ATP13A4: variants seen among roughly 807,000 people sequenced by gnomAD.
The protein encoded by ATP13A4 is probable cation-transporting ATPase 13A4.
ATP13A4 carries 114 observed loss-of-function variants against 142.5 expected under a neutral mutation model. The observed-to-expected ratio is 0.80, with a 90% CI of 0.69 to 0.93. ATP13A4 has a LOEUF of 0.93. Among genes scored for constraint, ATP13A4 ranks in the 40% least tolerant of loss-of-function variants. The pLI, the probability that ATP13A4 is intolerant of heterozygous loss-of-function variation, is 0.00. For missense variants in ATP13A4, 1,392 were observed against 1,454.0 expected (o/e 0.96, Z 0.69); for synonymous variants, 488 against 514.8 (o/e 0.95, Z 0.70).
intron 2 of ATP13A4, among the ~76,000 whole-genome samples, chr3:193,504,744 T>C (rs1720767857): frequency 6.6e-6 from 1 of 152,106 alleles, no homozygotes; most frequent in East Asian, 1.9e-4. Context: ...GGTAAGAAAA[T>C]GTATAATTTG....
Position 193,438,467 on chromosome 3 carries a change from C to G in ATP13A4, c.2672+8G>C. The G allele has an allele frequency of 6.3e-7, 1 of 1,590,944 alleles. No individual in the cohort carries two copies. The highest frequency in any genetic ancestry group is 8.6e-7 in the Non-Finnish European group (1 of 1,158,936). ...GAGAAAACAATGTTTGAGGAAGTGCCTACTTACTTGATAAGGTGAGGTACG... is the reference window on the plus strand; with the variant it reads ...GAGAAAACAATGTTTGAGGAAGTGCGTACTTACTTGATAAGGTGAGGTACG... On this transcript the variant is annotated splice_region_variant and intron_variant, in intron 23 of 29. Coordinates refer to ENST00000342695, the MANE Select transcript of ATP13A4 (RefSeq NM_032279.4).
chr3:193,432,868 T>C (rs1248590352), intron 25 of ATP13A4, among the ~76,000 whole-genome samples: 2 of 152,100 alleles, frequency 1.3e-5, no homozygotes, highest in Non-Finnish European at 2.9e-5. Flanking sequence ...AGTGAAAATA[T>C]TCTGTGTGAT....
intron 2 of ATP13A4, among the ~76,000 whole-genome samples, chr3:193,512,882 G>A (rs951794): frequency 0.12 from 18,268 of 152,132 alleles, 1,357 homozygotes; most frequent in Non-Finnish European, 0.16. Flanking sequence ...GTGGGGTGCC[G>A]GGCACTTTTC....
At chr3:193,501,603 A>C (rs1295044325) in intron 3 of ATP13A4, among the ~76,000 whole-genome samples, 4 of 151,894 alleles carry the variant, frequency 2.6e-5, no homozygotes, top group Non-Finnish European at 5.9e-5. Flanking sequence ...AAAAAAAAAA[A>C]AGACAACTGG....
chr3:193,514,841 G>A lies in ATP13A4; in HGVS notation c.91C>T (p.Arg31Trp), dbSNP rs539397595. ...EIFGYRTQGCRKSLCLAGSIF... is the reference protein window; with the variant it reads ...EIFGYRTQGCWKSLCLAGSIF... Reference sequence around the variant, plus strand: ...GATCCGGCAAGGCAGAGACTTTTCCGGCAGCCTTGAGTCCGATAGCCAAAT... The same window carrying A: ...GATCCGGCAAGGCAGAGACTTTTCCAGCAGCCTTGAGTCCGATAGCCAAAT... Residue 31 changes from arginine (R) to tryptophan (W), a missense_variant, in exon 2 of 30, where the codon CGG (arginine) becomes TGG (tryptophan). Physicochemically the swap from Arg to Trp is moderately radical, Grantham distance 101. Coordinates refer to ENST00000342695, the MANE Select transcript of ATP13A4 (RefSeq NM_032279.4). 1.4e-5 allele frequency: 22 copies of A among 1,614,168 alleles called. No individual in the cohort carries two copies. The highest frequency in any genetic ancestry group is 1.6e-4 in the Middle Eastern group (1 of 6,062).
chr3:193,477,985 G>C (rs1413242128), intron 8 of ATP13A4, among the ~76,000 whole-genome samples: 1 of 151,888 alleles, frequency 6.6e-6, no homozygotes, highest in Non-Finnish European at 1.5e-5. Flanking sequence ...AAATGTGTAA[G>C]ACCCACACAC....
chr3:193,441,497 A>G lies in ATP13A4; in HGVS notation c.2408T>C (p.Ile803Thr). The G allele has an allele frequency of 6.8e-6, 11 of 1,613,842 alleles. No homozygotes were observed. The highest frequency in any genetic ancestry group is 9.3e-6 in the Non-Finnish European group (11 of 1,179,806). ...CAGTAGGCTGCTGAAATGTTGACTT[A>G]TAACATGAAAGGATTTTCCAGTTAG... ...FALTGKSFHV[I>T]SQHFSSLLPK... Residue 803 changes from isoleucine to threonine, a missense_variant, in exon 20 of 30, where the codon ATA becomes ACA. Transcript: ENST00000342695.
chr3:193,548,271 T>C (rs1432744196), intron 1 of ATP13A4, among the ~76,000 whole-genome samples: 3 of 152,332 alleles, frequency 2.0e-5, no homozygotes, highest in Non-Finnish European at 2.9e-5. Flanking sequence ...TTGCAGTTAA[T>C]AGAGCTTGCA....
At chr3:193,538,189 G>A (rs771579668) in intron 1 of ATP13A4, among the ~76,000 whole-genome samples, 19 of 152,078 alleles carry the variant, frequency 1.2e-4, no homozygotes, top group Non-Finnish European at 2.1e-4. Flanking sequence ...AGAAATAAAT[G>A]AGCTGGAATA....
chr3:193,501,911 T>G (rs944464377), intron 3 of ATP13A4, among the ~76,000 whole-genome samples: 2 of 152,164 alleles, frequency 1.3e-5, no homozygotes, highest in Non-Finnish European at 2.9e-5. Flanking sequence ...TGATTACTTT[T>G]ACTATAAGAT....
intron 2 of ATP13A4, among the ~76,000 whole-genome samples, chr3:193,572,022 A>G (rs971855338): frequency 3.3e-5 from 5 of 152,192 alleles, no homozygotes; most frequent in African/African-American, 1.2e-4. Flanking sequence ...CCAAGCAGGC[A>G]GATGGCTTGG....
At position 193,573,278 on chromosome 3, in the gene ATP13A4, TATATATATATACAC is replaced by T. The variant is rs1560287240; in HGVS notation, n.291+8415_291+8428del. ...CCACAGCCATATATATATATATACA[TATATATATATACAC>T]ATATATATATATATACATATATATA... On this transcript the variant is annotated intron_variant and non_coding_transcript_variant, in intron 2 of 3. Transcript: ENST00000489140. Among the ~76,000 whole-genome samples the T allele has an allele frequency of 2.1e-3, 212 of 99,118 alleles. 1 individual carries two copies. Among genetic ancestry groups the T allele is most frequent in the South Asian group, 6.2e-3 (21 of 3,380 alleles). 65.0% of individuals were successfully genotyped at this position (99,118 alleles called of 152,430 possible). A position where few individuals can be genotyped will look rare whatever the true frequency, so the allele number is the denominator to read the frequency against.
intron 25 of ATP13A4, among the ~76,000 whole-genome samples, chr3:193,425,507 G>A (rs566758554): frequency 4.3e-4 from 65 of 151,752 alleles, no homozygotes; most frequent in African/African-American, 1.4e-3. Context: ...TGGTATACAC[G>A]ATGGAATACT....
At chr3:193,471,694 A>AC (rs1718634440) in intron 8 of ATP13A4, among the ~76,000 whole-genome samples, 3 of 143,196 alleles carry the variant, frequency 2.1e-5, no homozygotes, top group South Asian at 2.3e-4. Flanking sequence ...ACACACACAC[A>AC]AACACAAACA....
In ATP13A4 at chr3:193,402,491, A is replaced by G. The variant is rs886542134; in HGVS notation, c.*161T>C. The G allele has an allele frequency of 1.6e-6, 1 of 626,540 alleles. No homozygotes were observed. Among genetic ancestry groups the G allele is most frequent in the Non-Finnish European group, 2.9e-6 (1 of 349,790 alleles). 38.8% of individuals were successfully genotyped at this position (626,540 alleles called of 1,614,324 possible). A position where few individuals can be genotyped will look rare whatever the true frequency, so the allele number is the denominator to read the frequency against. ...CTTCTGGGTCAATGTTCTTCTCTGT[A>G]GACAGTATTTTATCAAACAGACTTT... On this transcript the variant is annotated 3_prime_UTR_variant, in exon 30 of 30. Coordinates refer to ENST00000342695, the MANE Select transcript of ATP13A4 (RefSeq NM_032279.4).
chr3:193,550,459 A>G (rs1414623930), intron 1 of ATP13A4, among the ~76,000 whole-genome samples: 3 of 152,014 alleles, frequency 2.0e-5, no homozygotes, highest in Admixed American at 1.3e-4. Context: ...GGTGGATACC[A>G]CCACATCCAG....
At chr3:193,514,946 T>A in intron 1 of ATP13A4, 75 bp from the exon 2 acceptor site, 2 of 1,517,798 alleles carry the variant, frequency 1.3e-6, no homozygotes. Flanking sequence ...CTGATTTTAG[T>A]GATGGAAATG....
chr3:193,542,904 G>A (rs927875336), intron 1 of ATP13A4, among the ~76,000 whole-genome samples: 3 of 152,142 alleles, frequency 2.0e-5, no homozygotes, highest in Non-Finnish European at 4.4e-5. Context: ...GGTGGCTCAC[G>A]CCTGTAATCC....
intron 17 of ATP13A4, among the ~76,000 whole-genome samples, chr3:193,449,420 T>A (rs1717141787): frequency 6.6e-6 from 1 of 152,184 alleles, no homozygotes; most frequent in Non-Finnish European, 1.5e-5. Flanking sequence ...TCAGCTACAG[T>A]CATGAACTAG....
Sources: gnomAD v4.1 joint callset for allele counts (sites outside exome capture counted in the v4.1 genomes callset) on GRCh38, gnomAD v4.1.1 for gene constraint, MANE v1.5 for transcripts, NCBI Gene and HGNC (gene_info 2026-07-23, HGNC 2026-07-21) for gene names.